Variants in EXOC6B observed in about 807,000 individuals in gnomAD.
The protein encoded by EXOC6B is SEC15 homolog B.
In EXOC6B, 54 loss-of-function variants were observed where a neutral mutation model predicts 113.5. The ratio of observed to expected loss-of-function variants is 0.48; its 90% CI spans 0.38 to 0.60. The LOEUF is 0.60. Among genes scored for constraint, EXOC6B ranks in the 20% least tolerant of loss-of-function variants. EXOC6B has a pLI of 0.00. For missense variants in EXOC6B, 797 were observed against 977.5 expected (o/e 0.82, Z 2.46); for synonymous variants, 357 against 339.0 (o/e 1.05, Z -0.58).
At chr2:72,673,299 A>T (rs1364323742) in intron 6 of EXOC6B, among the ~76,000 whole-genome samples, 1 of 152,144 alleles carries the variant, frequency 6.6e-6, no homozygotes, top group African/African-American at 2.4e-5. Context: ...ATTCAGATTC[A>T]ACTGGTCTAG....
chr2:72,643,184 C>T (rs1289592013), intron 6 of EXOC6B, among the ~76,000 whole-genome samples: 1 of 151,940 alleles, frequency 6.6e-6, no homozygotes, highest in East Asian at 1.9e-4. Flanking sequence ...ACTAGTTCAA[C>T]CATTGTGGAA....
intron 18 of EXOC6B, among the ~76,000 whole-genome samples, chr2:72,435,531 T>C (rs1293661322): frequency 6.6e-6 from 1 of 152,198 alleles, no homozygotes; most frequent in Non-Finnish European, 1.5e-5. Context: ...TATTATTGTG[T>C]GGGACTCTAA....
chr2:72,411,536 G>A (rs554984140), intron 18 of EXOC6B, among the ~76,000 whole-genome samples: 22 of 152,262 alleles, frequency 1.4e-4, no homozygotes, highest in African/African-American at 1.9e-4. Flanking sequence ...AGATTAAAGC[G>A]ACACGGAAGC....
At chr2:72,564,651 G>A (rs1230719433) in intron 7 of EXOC6B, among the ~76,000 whole-genome samples, 1 of 152,144 alleles carries the variant, frequency 6.6e-6, no homozygotes, top group East Asian at 1.9e-4. Context: ...TCAGAACTAT[G>A]TTGCTTCCCA....
At chr2:72,467,527 G>A (rs1406660222) in intron 17 of EXOC6B, among the ~76,000 whole-genome samples, 3 of 152,084 alleles carry the variant, frequency 2.0e-5, no homozygotes, top group African/African-American at 7.2e-5. Flanking sequence ...CAACCTAACA[G>A]GTGGAAAGTC....
chr2:72,399,230 A>G (rs1419491257), intron 18 of EXOC6B, among the ~76,000 whole-genome samples: 1 of 152,166 alleles, frequency 6.6e-6, no homozygotes, highest in Non-Finnish European at 1.5e-5. Flanking sequence ...AAAACATTCA[A>G]CAACTAGGCA....
chr2:72,692,044 CTTG>C (rs1677521986), intron 6 of EXOC6B, among the ~76,000 whole-genome samples: 1 of 151,974 alleles, frequency 6.6e-6, no homozygotes, highest in African/African-American at 2.4e-5. Flanking sequence ...TGTATAGTAA[CTTG>C]TTTTTAACAT....
At chr2:72,242,525 C>G (rs1682379402) in intron 20 of EXOC6B, among the ~76,000 whole-genome samples, 1 of 151,764 alleles carries the variant, frequency 6.6e-6, no homozygotes, top group South Asian at 2.1e-4. Flanking sequence ...TTGAAATGTT[C>G]AATTAAAATC....
chr2:72,502,306 G>A (rs923170138), intron 11 of EXOC6B, among the ~76,000 whole-genome samples: 2 of 152,098 alleles, frequency 1.3e-5, no homozygotes, highest in African/African-American at 4.8e-5. Context: ...CTGGCTCTTT[G>A]GGAGACCAAG....
intron 8 of EXOC6B, among the ~76,000 whole-genome samples, chr2:72,542,397 G>A: frequency 6.6e-6 from 1 of 152,184 alleles, no homozygotes; most frequent in East Asian, 1.9e-4. Flanking sequence ...TTCACCTCCA[G>A]ATTGCTGGTT....
At chr2:72,461,838 C>A (rs1381520549) in intron 18 of EXOC6B, 1 of 151,998 alleles carries the variant, frequency 6.6e-6, no homozygotes, top group Admixed American at 6.6e-5. Context: ...ACAAATATTT[C>A]TTATAAACAA....
chr2:72,451,186 G>A (rs990158088), intron 18 of EXOC6B, among the ~76,000 whole-genome samples: 1 of 152,140 alleles, frequency 6.6e-6, no homozygotes, highest in African/African-American at 2.4e-5. Context: ...CATACTTCCA[G>A]ATGGAATGCG....
At chr2:72,752,971 C>CAT (rs199599783) in intron 1 of EXOC6B, among the ~76,000 whole-genome samples, 39 of 151,854 alleles carry the variant, frequency 2.6e-4, no homozygotes, top group South Asian at 8.3e-4. Context: ...TCACTCTTCA[C>CAT]ATATATATAT....
chr2:72,376,624 T>A (rs1691374966), intron 19 of EXOC6B, among the ~76,000 whole-genome samples: 1 of 152,170 alleles, frequency 6.6e-6, no homozygotes, highest in South Asian at 2.1e-4. Context: ...CCTGAGAAAC[T>A]TTGAACCCAG....
At chr2:72,785,740 T>C (rs1192270744) in intron 1 of EXOC6B, among the ~76,000 whole-genome samples, 1 of 152,252 alleles carries the variant, frequency 6.6e-6, no homozygotes, top group African/African-American at 2.4e-5. Flanking sequence ...CCTGGGCCTA[T>C]GGGCCTGTGA....
intron 7 of EXOC6B, among the ~76,000 whole-genome samples, chr2:72,561,088 C>T (rs1159810427): frequency 2.0e-5 from 3 of 151,962 alleles, no homozygotes; most frequent in Non-Finnish European, 4.4e-5. Context: ...TTTCGGACTG[C>T]AAAGTAGAGA....
chr2:72,728,709 T>C (rs1272594074), intron 5 of EXOC6B, among the ~76,000 whole-genome samples: 1 of 152,064 alleles, frequency 6.6e-6, no homozygotes, highest in Admixed American at 6.6e-5. Context: ...GTGATACATA[T>C]CACTTCTGCT....
chr2:72,317,495 T>C (rs1687589934), intron 20 of EXOC6B, among the ~76,000 whole-genome samples: 1 of 151,668 alleles, frequency 6.6e-6, no homozygotes, highest in African/African-American at 2.4e-5. Context: ...TCAGAGTTTA[T>C]AAGGGAAGAA....
At chr2:72,708,896 A>ATT (rs1159794341) in intron 6 of EXOC6B, among the ~76,000 whole-genome samples, 7,050 of 69,818 alleles carry the variant, frequency 0.1, 1,536 homozygotes, top group African/African-American at 0.19. Flanking sequence ...CATCCAGCTA[A>ATT]TTTTTTTTTT....
Sources: allele counts gnomAD v4.1 joint callset (sites outside exome capture counted in the v4.1 genomes callset), GRCh38; gene constraint gnomAD v4.1.1; transcripts MANE v1.5; gene names NCBI Gene and HGNC (gene_info 2026-07-23, HGNC 2026-07-21).